Variants in SKAP2 observed in about 807,000 individuals in gnomAD.
SKAP2 encodes src kinase associated phosphoprotein 2.
A neutral mutation model predicts 54.9 loss-of-function variants in SKAP2; 28 were observed. The observed-to-expected ratio is 0.51, with a 90% CI of 0.38 to 0.70. SKAP2 has a LOEUF of 0.70. Ranked by LOEUF, SKAP2 falls within the 30% of genes least tolerant of loss-of-function variation. SKAP2 has a pLI of 0.00. For missense variants in SKAP2, 356 were observed against 424.1 expected, an observed-to-expected ratio of 0.84 and a Z score of 1.41; for synonymous variants, 137 against 134.3, an observed-to-expected ratio of 1.02 and a Z score of -0.14.
intron 4 of SKAP2, among the ~76,000 whole-genome samples, chr7:26,778,170 G>A (rs1244430818): frequency 6.6e-5 from 10 of 151,924 alleles, no homozygotes; most frequent in South Asian, 6.2e-4. Flanking sequence ...TGGTATATAC[G>A]AAAGCACTTA....
At chr7:26,717,510 A>AAAAAAAAAAAAAAAAAAAAAAAAG (rs1787476402) in intron 9 of SKAP2, among the ~76,000 whole-genome samples, 1 of 50,592 alleles carries the variant, frequency 2.0e-5, no homozygotes, top group Non-Finnish European at 3.4e-5. Flanking sequence ...ACCCCATCTC[A>AAAAAAAAAAAAAAAAAAAAAAAAG]AAAAAAAAAA....
At chr7:26,724,842 A>C (rs1178660969) in intron 9 of SKAP2, among the ~76,000 whole-genome samples, 1 of 152,204 alleles carries the variant, frequency 6.6e-6, no homozygotes, top group East Asian at 1.9e-4. Flanking sequence ...GCATGTAAAC[A>C]CTAAACTAGG....
At chr7:26,822,122 T>A (rs925005595) in intron 4 of SKAP2, among the ~76,000 whole-genome samples, 3 of 152,224 alleles carry the variant, frequency 2.0e-5, no homozygotes, top group African/African-American at 7.2e-5. Flanking sequence ...GCCAAAGTAG[T>A]AAACGTAACA....
At chr7:26,782,343 C>T (rs1472820262) in intron 4 of SKAP2, among the ~76,000 whole-genome samples, 7 of 152,084 alleles carry the variant, frequency 4.6e-5, no homozygotes, top group Non-Finnish European at 7.4e-5. Flanking sequence ...ATTTATAATA[C>T]GTAAATATTA....
chr7:26,855,757 A>G (rs756063742), intron 1 of SKAP2, among the ~76,000 whole-genome samples: 8 of 152,024 alleles, frequency 5.3e-5, no homozygotes, highest in Non-Finnish European at 1.0e-4. Flanking sequence ...TACTAGTTCC[A>G]TTCTTATTAT....
intron 1 of SKAP2, 117 bp downstream of exon 1, chr7:26,864,246 G>T: frequency 7.9e-7 from 1 of 1,261,458 alleles, no homozygotes; most frequent in Non-Finnish European, 1.1e-6. Flanking sequence ...CCACTGGCTA[G>T]AAGACGTGGG....
At chr7:26,708,963 T>C (rs376467463) in intron 9 of SKAP2, among the ~76,000 whole-genome samples, 2 of 152,200 alleles carry the variant, frequency 1.3e-5, no homozygotes, top group East Asian at 1.9e-4. Flanking sequence ...TTCTTTAGTA[T>C]TCTTTTTCAG....
At chr7:26,678,451 T>G (rs1474940025) in intron 11 of SKAP2, among the ~76,000 whole-genome samples, 1 of 151,130 alleles carries the variant, frequency 6.6e-6, no homozygotes, top group Non-Finnish European at 1.5e-5. Context: ...TCTTTTTTTT[T>G]TTTTTTTTGA....
intron 6 of SKAP2, among the ~76,000 whole-genome samples, chr7:26,731,956 A>T (rs1231495197): frequency 6.6e-6 from 1 of 152,170 alleles, no homozygotes; most frequent in East Asian, 1.9e-4. Flanking sequence ...AACCACTCTC[A>T]TACCATTTTA....
At chr7:26,731,963 T>C (rs1280383615) in intron 6 of SKAP2, among the ~76,000 whole-genome samples, 1 of 152,202 alleles carries the variant, frequency 6.6e-6, no homozygotes, top group Non-Finnish European at 1.5e-5. Context: ...CTCATACCAT[T>C]TTAAATACAG....
intron 10 of SKAP2, among the ~76,000 whole-genome samples, chr7:26,685,892 AG>A (rs892756873): frequency 6.6e-6 from 1 of 152,226 alleles, no homozygotes; most frequent in African/African-American, 2.4e-5. Context: ...CTAGCCAGGC[AG>A]AATATATACG....
rs867369738 is a variant in SKAP2 at position 26,746,362 on chromosome 7, C to A, written c.308-6398G>T. Among the ~76,000 whole-genome samples, 5 of 152,150 alleles carry A rather than the reference C, an allele frequency of 3.3e-5. No individual in the cohort carries two copies. In the East Asian group the frequency reaches 9.6e-4, roughly 29 times the overall value. ...AGATACAAAGATGCAGGGATGCAGA[C>A]ACTTTGTTTCTTATTCTAATAGGTT... On this transcript the variant is annotated intron_variant, in intron 4 of 12. Transcript: ENST00000345317.
chr7:26,858,895 G>T (rs889649360), intron 1 of SKAP2, among the ~76,000 whole-genome samples: 1 of 152,092 alleles, frequency 6.6e-6, no homozygotes, highest in Non-Finnish European at 1.5e-5. Flanking sequence ...AAACAGCCTA[G>T]AATAGGGCTT....
Position 26,726,922 on chromosome 7 carries a change from C to A in SKAP2, c.554G>T (p.Cys185Phe). The change falls in exon 7 of 13, where the codon TGC becomes TTC. Residue 185 changes from cysteine to phenylalanine, a missense_variant. Coordinates refer to ENST00000345317, the MANE Select transcript of SKAP2 (RefSeq NM_003930.5). The stretch of plus-strand genomic sequence containing the variant: ...ATCAGGAGCAGAGATTTCAAAACAG[C>A]AATCTTTCTTTCCATCCTTTCTTAG... The part of the protein sequence containing the change: ...NTLRKDGKKD[C>F]CFEISAPDKR... 6 of 1,610,600 alleles carry A rather than the reference C, an allele frequency of 3.7e-6. No homozygotes were observed. Among genetic ancestry groups the A allele is most frequent in the Non-Finnish European group, 5.1e-6 (6 of 1,178,008 alleles).
chr7:26,814,483 TTAGCAGGC>T (rs968263403), intron 4 of SKAP2, among the ~76,000 whole-genome samples: 20 of 151,916 alleles, frequency 1.3e-4, no homozygotes, highest in African/African-American at 4.6e-4. Flanking sequence ...CAGTTTGTAG[TTAGCAGGC>T]TTCTAATATG....
At chr7:26,747,346 C>T (rs1782579636) in intron 4 of SKAP2, among the ~76,000 whole-genome samples, 1 of 152,090 alleles carries the variant, frequency 6.6e-6, no homozygotes, top group Non-Finnish European at 1.5e-5. Flanking sequence ...ATAGAATTCT[C>T]AGGAGGGTTA....
intron 4 of SKAP2, among the ~76,000 whole-genome samples, chr7:26,836,255 G>GGCT (rs1784708611): frequency 6.6e-6 from 1 of 152,086 alleles, no homozygotes; most frequent in Non-Finnish European, 1.5e-5. Flanking sequence ...AGAAAACCTA[G>GGCT]GCTATACCAT....
intron 4 of SKAP2, among the ~76,000 whole-genome samples, chr7:26,819,671 A>G (rs1000438647): frequency 6.6e-6 from 1 of 152,184 alleles, no homozygotes. Flanking sequence ...TAATTTTTCA[A>G]TGCCTTCAGT....
chr7:26,804,877 A>G (rs1324499221), intron 4 of SKAP2, among the ~76,000 whole-genome samples: 1 of 152,218 alleles, frequency 6.6e-6, no homozygotes, highest in Admixed American at 6.5e-5. Flanking sequence ...ACAGTGAAAT[A>G]CCATTATTGG....
Sources: gnomAD v4.1 joint callset for allele counts (sites outside exome capture counted in the v4.1 genomes callset) on GRCh38, gnomAD v4.1.1 for gene constraint, MANE v1.5 for transcripts, NCBI Gene and HGNC (gene_info 2026-07-23, HGNC 2026-07-21) for gene names.